RABGAP1L: variants seen among roughly 807,000 people sequenced by gnomAD.
RABGAP1L encodes the protein rab GTPase-activating protein 1-like.
In RABGAP1L, 63 loss-of-function variants were observed where a neutral mutation model predicts 137.7. The observed-to-expected ratio is 0.46, with a 90% CI of 0.37 to 0.56. RABGAP1L has a LOEUF of 0.56. RABGAP1L is among the 20% of genes least tolerant of loss of function. The pLI, the probability that RABGAP1L is intolerant of heterozygous loss-of-function variation, is 0.00. For synonymous variants in RABGAP1L, 431 were observed against 433.7 expected (o/e 0.99, Z 0.08); for missense variants, 1,095 against 1,244.0 (o/e 0.88, Z 1.80).
chr1:174,892,479 C>T (rs1656351054), intron 19 of RABGAP1L: 1 of 464,736 alleles, frequency 2.2e-6, no homozygotes, highest in East Asian at 6.6e-5. Flanking sequence ...CACCTTCCAG[C>T]TTCTTTTCTA....
intron 13 of RABGAP1L, among the ~76,000 whole-genome samples, chr1:174,399,394 G>A (rs140040964): frequency 2.6e-5 from 4 of 152,212 alleles, no homozygotes; most frequent in African/African-American, 7.2e-5. Context: ...GTTGGTCATG[G>A]TTCAGCAGCT....
intron 19 of RABGAP1L, among the ~76,000 whole-genome samples, chr1:174,885,135 C>T (rs554274903): frequency 6.6e-6 from 1 of 152,218 alleles, no homozygotes; most frequent in African/African-American, 2.4e-5. Flanking sequence ...GCCAGAAGTC[C>T]CTCTCATGTT....
At chr1:174,986,931 A>G (rs1291735954) in intron 24 of RABGAP1L, among the ~76,000 whole-genome samples, 1 of 152,208 alleles carries the variant, frequency 6.6e-6, no homozygotes, top group African/African-American at 2.4e-5. Context: ...TTTCTTTAAC[A>G]TTTTTAGTCA....
chr1:174,339,744 T>G (rs1424060510), intron 11 of RABGAP1L, among the ~76,000 whole-genome samples: 1 of 151,958 alleles, frequency 6.6e-6, no homozygotes, highest in African/African-American at 2.4e-5. Flanking sequence ...GTAGTTGGGA[T>G]TACAGACGTG....
chr1:174,751,435 A>C (rs1267500293), intron 17 of RABGAP1L, among the ~76,000 whole-genome samples: 2 of 152,230 alleles, frequency 1.3e-5, no homozygotes, highest in Non-Finnish European at 2.9e-5. Flanking sequence ...TGAAGAGGGC[A>C]CATCAAATAG....
intron 13 of RABGAP1L, among the ~76,000 whole-genome samples, chr1:174,464,087 C>T (rs1446970437): frequency 1.3e-5 from 2 of 152,118 alleles, no homozygotes; most frequent in Admixed American, 6.6e-5. Context: ...TCCATAACTA[C>T]ACTTAAAATA....
intron 10 of RABGAP1L, among the ~76,000 whole-genome samples, chr1:174,279,605 C>T (rs536657622): frequency 5.3e-5 from 8 of 152,180 alleles, no homozygotes; most frequent in South Asian, 2.1e-4. Context: ...TGGCGCATCT[C>T]GGCTTTATAT....
intron 17 of RABGAP1L, among the ~76,000 whole-genome samples, chr1:174,743,079 T>C (rs979007190): frequency 6.6e-6 from 1 of 152,178 alleles, no homozygotes; most frequent in Non-Finnish European, 1.5e-5. Context: ...AAGATGATGA[T>C]TATTGCCAAG....
intron 13 of RABGAP1L, among the ~76,000 whole-genome samples, chr1:174,531,122 C>G (rs948961933): frequency 1.3e-5 from 2 of 152,094 alleles, no homozygotes; most frequent in African/African-American, 4.8e-5. Flanking sequence ...TAGACGCTTT[C>G]ATTTATGTGA....
intron 10 of RABGAP1L, 23 bp from the exon 11 acceptor site, chr1:174,304,963 A>C (rs1678065550): frequency 1.3e-6 from 2 of 1,508,712 alleles, no homozygotes; most frequent in Non-Finnish European, 1.8e-6. Context: ...TAATACTTAA[A>C]TATACTGTTA....
intron 19 of RABGAP1L, among the ~76,000 whole-genome samples, chr1:174,858,453 A>C (rs1649679183): frequency 6.6e-6 from 1 of 152,168 alleles, no homozygotes; most frequent in African/African-American, 2.4e-5. Context: ...TCTGGTGTGC[A>C]GAGGCCAATG....
At chr1:174,985,189 A>G (rs1477945830) in intron 24 of RABGAP1L, among the ~76,000 whole-genome samples, 3 of 152,164 alleles carry the variant, frequency 2.0e-5, no homozygotes, top group African/African-American at 4.8e-5. Context: ...CAACTTGGTG[A>G]AACTCCTGGA....
intron 14 of RABGAP1L, among the ~76,000 whole-genome samples, chr1:174,678,335 AG>A (rs1356869892): frequency 6.6e-6 from 1 of 152,196 alleles, no homozygotes; most frequent in Non-Finnish European, 1.5e-5. Flanking sequence ...TCAGAAGCAG[AG>A]TGACAGAGAA....
chr1:174,368,531 T>A (rs1158699566), intron 11 of RABGAP1L, among the ~76,000 whole-genome samples: 2 of 152,220 alleles, frequency 1.3e-5, no homozygotes, highest in Non-Finnish European at 2.9e-5. Flanking sequence ...TTAATTTGCA[T>A]TTAAAAGATT....
intron 18 of RABGAP1L, among the ~76,000 whole-genome samples, chr1:174,782,893 C>G (rs1272370498): frequency 1.3e-5 from 2 of 152,200 alleles, no homozygotes; most frequent in African/African-American, 2.4e-5. Flanking sequence ...TCTGAGAGCA[C>G]AGGGTGAGGG....
chr1:174,979,359 T>G (rs959521808), intron 23 of RABGAP1L, among the ~76,000 whole-genome samples: 3 of 152,222 alleles, frequency 2.0e-5, no homozygotes, highest in Non-Finnish European at 4.4e-5. Context: ...TACTTATAGC[T>G]TATTACTTAT....
chr1:174,332,380 T>TTTTATTTC (rs1558139804), intron 11 of RABGAP1L, among the ~76,000 whole-genome samples: 2 of 149,726 alleles, frequency 1.3e-5, no homozygotes, highest in African/African-American at 4.9e-5. Flanking sequence ...TTATCTAAAT[T>TTTTATTTC]TTTATTTATT....
At chr1:174,598,806 T>G (rs920634876) in intron 13 of RABGAP1L, among the ~76,000 whole-genome samples, 1 of 152,146 alleles carries the variant, frequency 6.6e-6, no homozygotes, top group Admixed American at 6.5e-5. Context: ...TGATGAAATA[T>G]TTCTTGTAGC....
chr1:174,874,447 T>A, intron 19 of RABGAP1L: 1 of 985,072 alleles, frequency 1.0e-6, no homozygotes, highest in Non-Finnish European at 1.2e-6. Flanking sequence ...CTGAGGACCA[T>A]CTATTTGGTT....
Sources: gnomAD v4.1 joint callset for allele counts (sites outside exome capture counted in the v4.1 genomes callset) on GRCh38, gnomAD v4.1.1 for gene constraint, MANE v1.5 for transcripts, NCBI Gene and HGNC (gene_info 2026-07-23, HGNC 2026-07-21) for gene names.